Variants in CCDC40 observed in about 807,000 individuals in gnomAD.
The protein encoded by CCDC40 is coiled-coil domain-containing protein 40.
CCDC40 carries 104 observed loss-of-function variants against 124.5 expected under a neutral mutation model. That is an observed-to-expected ratio of 0.84 (90% CI 0.71 to 0.98). The LOEUF is 0.98. Among genes scored for constraint, CCDC40 ranks in the 50% least tolerant of loss-of-function variants. The pLI is 0.00. For synonymous variants in CCDC40, 580 were observed against 602.9 expected (o/e 0.96, Z 0.56); for missense variants, 1,463 against 1,503.9 (o/e 0.97, Z 0.45).
chr17:80,037,688 A>AAAAAAAATATAT, intron 1 of CCDC40, among the ~76,000 whole-genome samples: 12 of 45,676 alleles, frequency 2.6e-4, no homozygotes, highest in South Asian at 8.5e-4. Context: ...TTTTTTAAAA[A>AAAAAAAATATAT]AGATATACAT....
rs934426000 is a variant in CCDC40 at position 80,087,108 on chromosome 17, C to T, written c.2450-499C>T. The T allele has an allele frequency of 4.7e-5, 10 of 213,418 alleles. No individual in the cohort carries two copies. The highest frequency in any genetic ancestry group is 3.2e-4 in the East Asian group (3 of 9,342). The allele number at this position is 213,418 out of a possible 1,614,324, so 13.2% of individuals were successfully genotyped here. A position where few individuals can be genotyped will look rare whatever the true frequency, so the allele number is the denominator to read the frequency against. The stretch of plus-strand genomic sequence containing the variant: ...GAGAAGCCCTGTGAGGAGTGGCCAG[C>T]GGATGAACCAGCTGTGGCCTCTTGT... On this transcript the variant is annotated intron_variant, in intron 14 of 19. Transcript: ENST00000397545. The surrounding 1 kb of genome is among the most constrained non-coding windows in gnomAD (Gnocchi z 4.5).
At chr17:80,095,146 C>A in intron 17 of CCDC40, 117 bp from the exon 18 acceptor site, 1 of 946,992 alleles carries the variant, frequency 1.1e-6, no homozygotes, top group Non-Finnish European at 1.7e-6. Flanking sequence ...CTCACTGTTT[C>A]CCCGCCGATC....
intron 2 of CCDC40, 118 bp from the exon 3 acceptor site, chr17:80,039,694 A>T: frequency 7.6e-7 from 1 of 1,311,034 alleles, no homozygotes; most frequent in Non-Finnish European, 1.0e-6. Context: ...TCTCTTAGTG[A>T]TGCTGAGAAG....
Position 80,099,635 on chromosome 17 carries a change from C to G in CCDC40, c.3289C>G (p.Arg1097Gly). The change falls in exon 20 of 20, where the codon CGC (arginine) becomes GGC (glycine). Residue 1097 changes from arginine (R) to glycine (G), a missense_variant. Coordinates refer to ENST00000397545, the MANE Select transcript of CCDC40 (RefSeq NM_017950.4). Reference protein sequence around the residue: ...FRSKQSLVLERQRLDKRLALI... With the variant: ...FRSKQSLVLEGQRLDKRLALI... ...CTCCAAGCAGTCCCTAGTGCTGGAG[C>G]GCCAGCGCCTGGACAAGCGACTGGC... 6.2e-7 allele frequency: 1 copy of G among 1,613,644 alleles called. No individual in the cohort carries two copies.
In CCDC40 at chr17:80,058,771, G is replaced by GC; in HGVS notation, c.1318-86dup. The GC allele has an allele frequency of 6.2e-7, 1 of 1,609,086 alleles. No individual in the cohort carries two copies. The highest frequency in any genetic ancestry group is 8.5e-7 in the Non-Finnish European group (1 of 1,175,874). On this transcript the variant is annotated intron_variant, in intron 8 of 19. Transcript: ENST00000397545. The surrounding 1 kb of genome is among the most constrained non-coding windows in gnomAD (Gnocchi z 4.2). ...GGAGGGGTGGCGGCCGGCCTGGGTGGCGTCAACTTGTATCAAGGGTTGGTG... is the reference window on the plus strand; with the variant it reads ...GGAGGGGTGGCGGCCGGCCTGGGTGGCCGTCAACTTGTATCAAGGGTTGGTG...
At position 80,058,756 on chromosome 17, in the gene CCDC40, C is replaced by T. The variant is rs367653106; in HGVS notation, c.1318-102C>T. 83 of 1,605,102 alleles carry T rather than the reference C, an allele frequency of 5.2e-5. No homozygotes were observed. The African/African-American group carries it at 7.1e-4, about 14-fold the overall frequency. On this transcript the variant is annotated intron_variant, in intron 8 of 19. Coordinates refer to ENST00000397545, the MANE Select transcript of CCDC40 (RefSeq NM_017950.4). The surrounding 1 kb of genome is among the most constrained non-coding windows in gnomAD (Gnocchi z 4.2). ...TGAAGGCTTCCGGCCGGAGGGGTGG[C>T]GGCCGGCCTGGGTGGCGTCAACTTG...
At position 80,050,279 on chromosome 17, in the gene CCDC40, AAAGTGT is replaced by A; in HGVS notation, c.1159_1159+5del. ...GCGCAGCCGCCAACGAGGAGCGCAA[AAAGTGT>A]AAGGCAACCCGGCAGCCCCACACGC... On this transcript the variant is annotated splice_donor_variant and coding_sequence_variant, in exon 7 of 20. Transcript: ENST00000397545. LOFTEE classifies it high-confidence loss of function. 1 of 1,558,866 alleles carries A rather than the reference AAAGTGT, an allele frequency of 6.4e-7. No individual in the cohort carries two copies. The highest frequency in any genetic ancestry group is 8.7e-7 in the Non-Finnish European group (1 of 1,152,706).
At chr17:80,077,806 A>G (rs1397248766) in intron 10 of CCDC40, among the ~76,000 whole-genome samples, 1 of 151,890 alleles carries the variant, frequency 6.6e-6, no homozygotes, top group Non-Finnish European at 1.5e-5. Context: ...ACTTCTGCTC[A>G]TTTTTCCGCT....
chr17:80,057,533 G>A (rs1432252337), intron 7 of CCDC40, among the ~76,000 whole-genome samples: 1 of 152,168 alleles, frequency 6.6e-6, no homozygotes, highest in Non-Finnish European at 1.5e-5. Flanking sequence ...GAGCAAGCAA[G>A]TACTGACCCA....
At chr17:80,053,523 C>T (rs1398805345) in intron 7 of CCDC40, among the ~76,000 whole-genome samples, 1 of 152,182 alleles carries the variant, frequency 6.6e-6, no homozygotes, top group Non-Finnish European at 1.5e-5. Context: ...CTGAGAATCA[C>T]AGATCTTAAA....
intron 10 of CCDC40, among the ~76,000 whole-genome samples, chr17:80,069,771 GA>G (rs200167383): frequency 0.015 from 2,152 of 146,322 alleles, 52 homozygotes; most frequent in African/African-American, 0.051. Flanking sequence ...GAAAGAAAAA[GA>G]AAAAAAAGAG....
At chr17:80,051,412 G>A (rs113707650) in intron 7 of CCDC40, 5 of 257,742 alleles carry the variant, frequency 1.9e-5, no homozygotes, top group East Asian at 1.8e-4. Context: ...GGCGGATCAC[G>A]AGGTCAGGAG....
intron 3 of CCDC40, among the ~76,000 whole-genome samples, chr17:80,043,710 C>T (rs762624931): frequency 1.3e-5 from 2 of 148,564 alleles, no homozygotes; most frequent in African/African-American, 2.5e-5. Context: ...TACAAGGGGG[C>T]GTCTTACCAT....
intron 10 of CCDC40, among the ~76,000 whole-genome samples, chr17:80,070,727 G>T (rs1179887143): frequency 6.6e-6 from 1 of 152,188 alleles, no homozygotes; most frequent in African/African-American, 2.4e-5. Flanking sequence ...AGCCGAGATG[G>T]TGCCACTGCA....
At chr17:80,045,787 T>C (rs536882492) in intron 3 of CCDC40, among the ~76,000 whole-genome samples, 3 of 148,164 alleles carry the variant, frequency 2.0e-5, no homozygotes, top group African/African-American at 7.5e-5. Context: ...ACAAAAACTA[T>C]CACAAAAGAC....
intron 10 of CCDC40, among the ~76,000 whole-genome samples, chr17:80,073,980 C>CT (rs879468629): frequency 6.6e-6 from 1 of 152,142 alleles, no homozygotes; most frequent in Non-Finnish European, 1.5e-5. Context: ...GCCAACGCTC[C>CT]TGGCCGCCTC....
At chr17:80,069,324 A>G (rs948015891) in intron 10 of CCDC40, among the ~76,000 whole-genome samples, 2 of 152,128 alleles carry the variant, frequency 1.3e-5, no homozygotes, top group Non-Finnish European at 2.9e-5. Context: ...CTTAGCTCAG[A>G]AGCTGTGCCT....
Position 80,085,888 on chromosome 17 carries a change from T to G in CCDC40, c.2236-115T>G, listed in dbSNP as rs898150963. The G allele has an allele frequency of 7.4e-6, 7 of 943,072 alleles. No homozygotes were observed. In the African/African-American group the frequency reaches 1.1e-4, roughly 15 times the overall value. The allele number at this position is 943,072 out of a possible 1,614,324, so 58.4% of individuals were successfully genotyped here. On this transcript the variant is annotated intron_variant, in intron 13 of 19. Coordinates refer to ENST00000397545, the MANE Select transcript of CCDC40 (RefSeq NM_017950.4). ...TTTCACCCTGTTGGCCAGGCTGGTCTTGAACTCCTGACCTCGGGTGATCCA... is the reference window on the plus strand; with the variant it reads ...TTTCACCCTGTTGGCCAGGCTGGTCGTGAACTCCTGACCTCGGGTGATCCA...
chr17:80,087,835 C>T lies in CCDC40; in HGVS notation c.2619+59C>T, dbSNP rs532430812. The T allele has an allele frequency of 2.6e-5, 39 of 1,516,128 alleles. No homozygotes were observed. The highest frequency in any genetic ancestry group is 3.5e-5 in the Non-Finnish European group (38 of 1,091,704). 93.9% of individuals were successfully genotyped at this position (1,516,128 alleles called of 1,614,324 possible). A position where few individuals can be genotyped will look rare whatever the true frequency, so the allele number is the denominator to read the frequency against. ...GACGATGGAGGGCGGGGGTACGGTC[C>T]TTGCGGTGGGCGTTCTGCACCAGGA... On this transcript the variant is annotated intron_variant, in intron 15 of 19. Transcript: ENST00000397545. The surrounding 1 kb of genome is among the most constrained non-coding windows in gnomAD (Gnocchi z 4.5).
Sources: allele counts gnomAD v4.1 joint callset (sites outside exome capture counted in the v4.1 genomes callset), GRCh38; gene constraint gnomAD v4.1.1; non-coding constraint Gnocchi (gnomAD v3.1); transcripts MANE v1.5; gene names NCBI Gene and HGNC (gene_info 2026-07-23, HGNC 2026-07-21).